Variants in ATM observed in about 807,000 individuals in gnomAD.
The protein encoded by ATM is serine-protein kinase ATM.
ATM carries 308 observed loss-of-function variants against 387.0 expected under a neutral mutation model. The ratio of observed to expected loss-of-function variants is 0.80; its 90% CI spans 0.73 to 0.87. The LOEUF (loss-of-function observed/expected upper bound fraction) is 0.87, where lower values mean the gene tolerates loss of function less well. Among genes scored for constraint, ATM ranks in the 40% least tolerant of loss-of-function variants. ATM has a pLI of 0.00. For missense variants in ATM, 3,312 were observed against 3,560.9 expected (o/e 0.93, Z 1.78); for synonymous variants, 1,156 against 1,187.3 (o/e 0.97, Z 0.54).
chr11:108,302,965 G>A lies in ATM; in HGVS notation c.5432G>A (p.Cys1811Tyr), dbSNP rs149569091. The A allele has an allele frequency of 6.2e-7, 1 of 1,613,496 alleles. No individual in the cohort carries two copies. Among genetic ancestry groups the A allele is most frequent in the Non-Finnish European group, 8.5e-7 (1 of 1,179,542 alleles). Residue 1811 changes from cysteine to tyrosine, a missense_variant, in exon 36 of 63, where the codon TGT (cysteine) becomes TAT (tyrosine). Around this residue, in one of 4 missense-constraint regions of ATM, gnomAD observed 1,405 missense variants for 1,604.4 expected, o/e 0.88. Transcript: ENST00000675843. ...NHDIWIKTLTCAFLDSGGTKC... is the reference protein window; with the variant it reads ...NHDIWIKTLTYAFLDSGGTKC... ...GACATTTGGATAAAGACACTGACTT[G>A]TGCTTTTTTGGACAGTGGAGGCACA...
chr11:108,228,027 A>T, intron 3 of ATM, 139 bp downstream of exon 3: 1 of 690,706 alleles, frequency 1.4e-6, no homozygotes, highest in South Asian at 2.0e-5. Flanking sequence ...TGAATTTGGC[A>T]TTTAATATTT....
At chr11:108,314,735 G>A (rs984673230) in intron 40 of ATM, among the ~76,000 whole-genome samples, 3 of 152,054 alleles carry the variant, frequency 2.0e-5, no homozygotes, top group Admixed American at 1.3e-4. Context: ...AAGCCCTACC[G>A]ATGATATAAA....
At chr11:108,285,654 A>G (rs2082453497) in intron 26 of ATM, among the ~76,000 whole-genome samples, 1 of 152,062 alleles carries the variant, frequency 6.6e-6, no homozygotes, top group Admixed American at 6.6e-5. Flanking sequence ...GAACCAAGAA[A>G]TGGAACAGCA....
At chr11:108,279,668 T>G (rs1421333886) in intron 23 of ATM, 60 bp downstream of exon 23, 1 of 1,324,128 alleles carries the variant, frequency 7.6e-7, no homozygotes, top group Non-Finnish European at 1.1e-6. Context: ...ATCCCATAAA[T>G]TACTTCACCA....
chr11:108,327,169 C>T (rs1404539674), intron 47 of ATM, among the ~76,000 whole-genome samples: 1 of 152,152 alleles, frequency 6.6e-6, no homozygotes, highest in East Asian at 1.9e-4. Context: ...TGTATAGCAT[C>T]TTCTGTTATT....
chr11:108,229,126 T>C, intron 3 of ATM, 52 bp from the exon 4 acceptor site: 1 of 1,554,368 alleles, frequency 6.4e-7, no homozygotes, highest in Non-Finnish European at 8.8e-7. Context: ...TTGAAATTAT[T>C]ATAATTTAAG....
intron 13 of ATM, among the ~76,000 whole-genome samples, chr11:108,255,571 G>A (rs1475799720): frequency 2.0e-5 from 3 of 151,898 alleles, no homozygotes; most frequent in Non-Finnish European, 4.4e-5. Context: ...GATTATAGGT[G>A]CCTGCCATCA....
chr11:108,254,747 G>T (rs959121302), intron 13 of ATM, among the ~76,000 whole-genome samples: 8 of 152,138 alleles, frequency 5.3e-5, no homozygotes, highest in African/African-American at 1.9e-4. Context: ...CCGTCTTCCA[G>T]TTCAAGCAAT....
In ATM at chr11:108,332,908, T is replaced by G; in HGVS notation, c.7927+8T>G. 1.2e-6 allele frequency: 2 copies of G among 1,610,726 alleles called. No individual in the cohort carries two copies. The highest frequency in any genetic ancestry group is 1.7e-6 in the Non-Finnish European group (2 of 1,179,038). On this transcript the variant is annotated splice_region_variant and intron_variant, in intron 53 of 62. Transcript: ENST00000675843. ...AGTGGAAGACTCAGAGAAGTATGTTTTTTTTAAAGAAGAAACGTTACTTTC... is the reference window on the plus strand; with the variant it reads ...AGTGGAAGACTCAGAGAAGTATGTTGTTTTTAAAGAAGAAACGTTACTTTC...
chr11:108,326,218 G>A lies in ATM; in HGVS notation c.6968G>A (p.Cys2323Tyr), dbSNP rs876660924. ...KQMIKKLDAS[C>Y]AANNPSLKLT... ...ATGATCAAGAAGTTGGATGCCAGCT[G>A]TGCAGCGGTTTGTTTTTTTTATTGG... Residue 2323 changes from cysteine to tyrosine, a missense_variant, in exon 47 of 63, where the codon TGT becomes TAT. Around this residue, in one of 4 missense-constraint regions of ATM, gnomAD observed 1,405 missense variants for 1,604.4 expected, o/e 0.88. Coordinates refer to ENST00000675843, the MANE Select transcript of ATM (RefSeq NM_000051.4). 1 of 1,614,036 alleles carries A rather than the reference G, an allele frequency of 6.2e-7. No individual in the cohort carries two copies. The highest frequency in any genetic ancestry group is 2.2e-5 in the East Asian group (1 of 44,868).
Position 108,334,971 on chromosome 11 carries a change from G to A in ATM, c.8013G>A (p.Val2671=). The A allele has an allele frequency of 6.2e-7, 1 of 1,612,376 alleles. No individual in the cohort carries two copies. Among genetic ancestry groups the A allele is most frequent in the Non-Finnish European group, 8.5e-7 (1 of 1,178,572 alleles). Residue 2671 remains valine (V), a splice_region_variant and synonymous_variant, in exon 55 of 63, where the codon GTG becomes GTA. Transcript: ENST00000675843. The part of the protein sequence containing the change: ...DVVVPTMEIK[V]DHTGEYGNLV... The stretch of plus-strand genomic sequence containing the variant: ...AATCATGTTTATACTTTTATTAGGT[G>A]GACCACACAGGAGAATATGGAAATC...
intron 53 of ATM, among the ~76,000 whole-genome samples, chr11:108,333,262 A>G (rs1031487485): frequency 2.6e-5 from 4 of 152,150 alleles, no homozygotes; most frequent in Non-Finnish European, 5.9e-5. Flanking sequence ...CTGCCCTGGG[A>G]CTTAAAAACA....
At chr11:108,234,858 C>A (rs1273829342) in intron 4 of ATM, among the ~76,000 whole-genome samples, 2 of 149,898 alleles carry the variant, frequency 1.3e-5, no homozygotes, top group Non-Finnish European at 3.0e-5. Context: ...AAAATTACAA[C>A]CTGAGGTGTT....
intron 18 of ATM, among the ~76,000 whole-genome samples, chr11:108,269,828 A>G (rs1465217495): frequency 6.6e-6 from 1 of 152,220 alleles, no homozygotes; most frequent in East Asian, 1.9e-4. Context: ...TCAATCCCTT[A>G]GAGTGAGAAG....
chr11:108,256,177 A>T (rs2080468120), intron 13 of ATM, 38 bp from the exon 14 acceptor site: 1 of 1,480,844 alleles, frequency 6.8e-7, no homozygotes, highest in Non-Finnish European at 9.1e-7. Flanking sequence ...TAAATTATTT[A>T]TGAAATATAT....
chr11:108,291,574 T>C (rs1339528940), intron 29 of ATM, among the ~76,000 whole-genome samples: 2 of 152,240 alleles, frequency 1.3e-5, no homozygotes, highest in South Asian at 2.1e-4. Flanking sequence ...ATTTGCCTAT[T>C]GTAGATATTT....
At position 108,251,715 on chromosome 11, in the gene ATM, AAC is replaced by A. The variant is rs2080155919; in HGVS notation, c.1608-120_1608-119del. On this transcript the variant is annotated intron_variant, in intron 10 of 62. Coordinates refer to ENST00000675843, the MANE Select transcript of ATM (RefSeq NM_000051.4). ...TCTTCCCAAATGTAATCAGACTTTT[AAC>A]AGTTTTTATGTTCATTTAGTCACCT... 3 of 952,858 alleles carry A rather than the reference AAC, an allele frequency of 3.1e-6. No individual in the cohort carries two copies. The Admixed American group carries it at 5.9e-5, about 19-fold the overall frequency. 59.0% of individuals were successfully genotyped at this position (952,858 alleles called of 1,614,324 possible). A position where few individuals can be genotyped will look rare whatever the true frequency, so the allele number is the denominator to read the frequency against.
intron 38 of ATM, chr11:108,309,028 T>C (rs1468476060): frequency 6.6e-7 from 1 of 1,526,634 alleles, no homozygotes; most frequent in East Asian, 2.5e-5. Flanking sequence ...ATAAAAATTC[T>C]TCATATTCCA....
At position 108,368,965 on chromosome 11, in the gene ATM, GT is replaced by G. The variant is rs1380046674; in HGVS notation, c.*3458del. 1 of 188,786 alleles carries G rather than the reference GT, an allele frequency of 5.3e-6. No homozygotes were observed. Among genetic ancestry groups the G allele is most frequent in the African/African-American group, 2.3e-5 (1 of 42,860 alleles). 11.7% of individuals were successfully genotyped at this position (188,786 alleles called of 1,614,324 possible). A position where few individuals can be genotyped will look rare whatever the true frequency, so the allele number is the denominator to read the frequency against. ...ATATTGGTTTGAAATATAGAGATGT[GT>G]CCCAATTTCAAGTATTTTAATTGCA... On this transcript the variant is annotated 3_prime_UTR_variant, in exon 63 of 63. Coordinates refer to ENST00000675843, the MANE Select transcript of ATM (RefSeq NM_000051.4).
Sources: gnomAD v4.1 joint callset for allele counts (sites outside exome capture counted in the v4.1 genomes callset) on GRCh38, gnomAD v4.1.1 for gene constraint, gnomAD v4.1.1 regional missense constraint, MANE v1.5 for transcripts, NCBI Gene and HGNC (gene_info 2026-07-23, HGNC 2026-07-21) for gene names.